PPP1R21: variants seen among roughly 807,000 people sequenced by gnomAD.
PPP1R21 encodes KLRAQ motif containing 1.
In PPP1R21, 85 loss-of-function variants were observed where a neutral mutation model predicts 112.8. That is an observed-to-expected ratio of 0.75 (90% CI 0.63 to 0.90). The LOEUF (loss-of-function observed/expected upper bound fraction) is 0.90. PPP1R21 is among the 40% of genes least tolerant of loss of function. PPP1R21 has a pLI of 0.00. For missense variants in PPP1R21, 1,199 were observed against 901.5 expected (o/e 1.33, Z -4.23); for synonymous variants, 381 against 322.3 (o/e 1.18, Z -1.95).
chr2:48,486,584 G>C (rs574996776), intron 13 of PPP1R21, 47 bp from the exon 14 acceptor site: 1 of 1,423,402 alleles, frequency 7.0e-7, no homozygotes, highest in South Asian at 1.2e-5. Flanking sequence ...ATCTGTATGT[G>C]ACTTATATAT....
intron 16 of PPP1R21, 21 bp downstream of exon 16, chr2:48,495,792 T>A: frequency 7.4e-7 from 1 of 1,360,446 alleles, no homozygotes; most frequent in Non-Finnish European, 1.1e-6. Flanking sequence ...GGGAAAATTA[T>A]GGAAATTGTT....
At chr2:48,468,979 A>G (rs528517404) in intron 9 of PPP1R21, among the ~76,000 whole-genome samples, 56 of 152,116 alleles carry the variant, frequency 3.7e-4, no homozygotes, top group African/African-American at 1.3e-3. Flanking sequence ...GTAGTTCCAC[A>G]TGGCTGGGGA....
chr2:48,449,036 C>G (rs888739615), intron 1 of PPP1R21, among the ~76,000 whole-genome samples: 2 of 151,512 alleles, frequency 1.3e-5, no homozygotes, highest in African/African-American at 4.8e-5. Flanking sequence ...CTTTTTTTTT[C>G]AAGCAGGAAA....
intron 15 of PPP1R21, among the ~76,000 whole-genome samples, chr2:48,493,311 A>G (rs1234719252): frequency 1.3e-5 from 2 of 152,014 alleles, no homozygotes; most frequent in African/African-American, 4.8e-5. Context: ...GGCCTTACCT[A>G]TTTTTAAATA....
intron 13 of PPP1R21, among the ~76,000 whole-genome samples, chr2:48,482,705 G>A (rs1669076393): frequency 7.3e-6 from 1 of 137,856 alleles, no homozygotes; most frequent in African/African-American, 2.7e-5. Flanking sequence ...GTCTGTAGTT[G>A]TAATTATGAA....
chr2:48,514,128 T>G (rs1670764964), intron 21 of PPP1R21, among the ~76,000 whole-genome samples: 2 of 133,030 alleles, frequency 1.5e-5, no homozygotes. Context: ...ATCTCCCGGG[T>G]TCATGCCATT....
At position 48,493,830 on chromosome 2, in the gene PPP1R21, C is replaced by G. The variant is rs1055666194; in HGVS notation, c.1600-1849C>G. Among the ~76,000 whole-genome samples, 18 of 152,148 alleles carry G rather than the reference C, an allele frequency of 1.2e-4. No individual in the cohort carries two copies. In the South Asian group the frequency reaches 1.7e-3, roughly 14 times the overall value. On this transcript the variant is annotated intron_variant, in intron 15 of 21. Coordinates refer to ENST00000294952, the MANE Select transcript of PPP1R21 (RefSeq NM_001135629.3). ...CTGGATATTTTATTCTGTTCTTCAT[C>G]TATTTTGGTGCAAGTCCTTATGGTT...
In PPP1R21 at chr2:48,458,209, T is replaced by C. The variant is rs771704456; in HGVS notation, c.357T>C (p.Asn119=). The change falls in exon 4 of 22, where the codon AAT becomes AAC. Residue 119 remains asparagine (N), a synonymous_variant. Transcript: ENST00000294952. ...ATCTGCAAAAGAAGATAGAAGAGAA[T>C]GAACGGTTGCATATACAAGTGAGAA... ...DEDLQKKIEE[N]ERLHIQFFEA... is the part of the protein sequence containing the mutation. 3.7e-6 allele frequency: 6 copies of C among 1,610,482 alleles called. No homozygotes were observed. The South Asian group carries it at 6.6e-5, about 18-fold the overall frequency.
chr2:48,466,502 C>G (rs1332488471), intron 9 of PPP1R21, among the ~76,000 whole-genome samples: 1 of 152,032 alleles, frequency 6.6e-6, no homozygotes, highest in Non-Finnish European at 1.5e-5. Flanking sequence ...GCTGGGATTA[C>G]AGGTGTAAGC....
At chr2:48,466,673 G>A (rs1008223207) in intron 9 of PPP1R21, among the ~76,000 whole-genome samples, 2 of 152,240 alleles carry the variant, frequency 1.3e-5, no homozygotes, top group Admixed American at 1.3e-4. Flanking sequence ...TGAAAAATTA[G>A]CAAGGTTTAA....
At chr2:48,482,564 A>G (rs934587612) in intron 13 of PPP1R21, among the ~76,000 whole-genome samples, 4 of 152,064 alleles carry the variant, frequency 2.6e-5, no homozygotes, top group African/African-American at 9.7e-5. Flanking sequence ...GTAATATATC[A>G]TCTAGACATT....
rs1005707301 is a variant in PPP1R21, at chr2:48,464,983, A to T, written c.741A>T (p.Arg247Ser). The change falls in exon 8 of 22, where the codon AGA becomes AGT. Residue 247 changes from arginine (R) to serine (S), a missense_variant. Transcript: ENST00000294952. Reference protein sequence around the residue: ...NALNVPLHNRRHQLKMRDIAG... With the variant: ...NALNVPLHNRSHQLKMRDIAG... ...TGAACGTTCCACTCCACAATAGGAG[A>T]CACCAGGTAAAGGATGAAGTACATG... The T allele has an allele frequency of 6.4e-7, 1 of 1,557,736 alleles. No individual in the cohort carries two copies. Among genetic ancestry groups the T allele is most frequent in the East Asian group, 2.4e-5 (1 of 41,692 alleles).
At chr2:48,469,529 T>TAG (rs1558457949) in intron 9 of PPP1R21, among the ~76,000 whole-genome samples, 6 of 61,674 alleles carry the variant, frequency 9.7e-5, no homozygotes, top group Admixed American at 3.5e-4. Flanking sequence ...TATATATATA[T>TAG]ATATATAGAG....
At chr2:48,460,272 A>G (rs1667918733) in intron 6 of PPP1R21, 119 bp downstream of exon 6, 15 of 968,290 alleles carry the variant, frequency 1.5e-5, no homozygotes, top group Non-Finnish European at 2.3e-5. Flanking sequence ...AATGGGAGTA[A>G]TCTACAGGGT....
At chr2:48,507,503 G>T in intron 19 of PPP1R21, 118 bp downstream of exon 19, 2 of 1,461,872 alleles carry the variant, frequency 1.4e-6, no homozygotes. Context: ...AAGTAGCTGG[G>T]ACTATGGGTG....
intron 13 of PPP1R21, among the ~76,000 whole-genome samples, chr2:48,483,698 C>T (rs1011859489): frequency 6.6e-6 from 1 of 152,154 alleles, no homozygotes; most frequent in African/African-American, 2.4e-5. Flanking sequence ...ATTGTTCCAA[C>T]CCAAGTGCTG....
chr2:48,481,985 A>T (rs1311195352), intron 13 of PPP1R21, among the ~76,000 whole-genome samples: 1 of 152,152 alleles, frequency 6.6e-6, no homozygotes, highest in Non-Finnish European at 1.5e-5. Context: ...ACATAAATGA[A>T]TTTCTTATTT....
rs867700217 is a variant in PPP1R21, at chr2:48,469,464, T to G, written c.898-1623T>G. 6.5e-4 allele frequency among the ~76,000 whole-genome samples: 21 copies of G among 32,446 alleles called. 1 individual carries two copies. Among genetic ancestry groups the G allele is most frequent in the African/African-American group, 1.4e-3 (14 of 9,938 alleles). The allele number at this position is 32,446 out of a possible 152,430, so 21.3% of individuals were successfully genotyped here. A position where few individuals can be genotyped will look rare whatever the true frequency, so the allele number is the denominator to read the frequency against. On this transcript the variant is annotated intron_variant, in intron 9 of 21. Coordinates refer to ENST00000294952, the MANE Select transcript of PPP1R21 (RefSeq NM_001135629.3). ...TATATAGAGAGAGCATATATATATA[T>G]AGAGCATATATATATATATAGAGCA...
At chr2:48,449,339 T>C (rs1437968290) in intron 1 of PPP1R21, among the ~76,000 whole-genome samples, 3 of 152,232 alleles carry the variant, frequency 2.0e-5, no homozygotes, top group African/African-American at 7.2e-5. Flanking sequence ...TAAATGAATT[T>C]ACCCATTCTA....
Sources: allele counts gnomAD v4.1 joint callset (sites outside exome capture counted in the v4.1 genomes callset), GRCh38; gene constraint gnomAD v4.1.1; transcripts MANE v1.5; gene names NCBI Gene and HGNC (gene_info 2026-07-23, HGNC 2026-07-21).